The following SLC1A2 variants were observed in gnomAD, a reference collection of about 807,000 sequenced individuals.
SLC1A2 encodes excitatory amino acid transporter 2.
Under a neutral mutation model 48.8 loss-of-function variants are expected in SLC1A2, and 15 were observed. The ratio of observed to expected loss-of-function variants is 0.31; its 90% CI spans 0.21 to 0.47. SLC1A2 has a LOEUF of 0.47. Among genes scored for constraint, SLC1A2 ranks in the 20% least tolerant of loss-of-function variants. The pLI is 0.99. For synonymous variants in SLC1A2, 279 were observed against 272.6 expected, an observed-to-expected ratio of 1.02 and a Z score of -0.23; for missense variants, 502 against 730.5, an observed-to-expected ratio of 0.69 and a Z score of 3.61.
At chr11:35,341,217 C>A (rs1233128545) in intron 1 of SLC1A2, among the ~76,000 whole-genome samples, 1 of 152,042 alleles carries the variant, frequency 6.6e-6, no homozygotes, top group Non-Finnish European at 1.5e-5. Context: ...CTAGGGAGGT[C>A]CCAGGCCGGA....
chr11:35,313,240 T>C (rs1341388228), intron 3 of SLC1A2, among the ~76,000 whole-genome samples: 1 of 152,220 alleles, frequency 6.6e-6, no homozygotes, highest in African/African-American at 2.4e-5. Context: ...TTTGAATATA[T>C]TACTGGTAAC....
At chr11:35,402,785 G>A (rs1054965899) in intron 1 of SLC1A2, among the ~76,000 whole-genome samples, 2 of 152,178 alleles carry the variant, frequency 1.3e-5, no homozygotes, top group African/African-American at 4.8e-5. Flanking sequence ...CCTGGTGTCG[G>A]GAAAGACACC....
intron 1 of SLC1A2, among the ~76,000 whole-genome samples, chr11:35,399,245 A>G (rs61880995): frequency 0.17 from 26,518 of 151,964 alleles, 2,441 homozygotes; most frequent in African/African-American, 0.23. Flanking sequence ...TTTATCCCTA[A>G]GGAAGTCAAG....
At chr11:35,368,032 A>C (rs1011762853) in intron 1 of SLC1A2, among the ~76,000 whole-genome samples, 5 of 152,250 alleles carry the variant, frequency 3.3e-5, no homozygotes, top group Admixed American at 3.3e-4. Flanking sequence ...ACGGTGTTGA[A>C]GGCACAGCAC....
chr11:35,397,870 C>T (rs1190240842), intron 1 of SLC1A2, among the ~76,000 whole-genome samples: 1 of 152,202 alleles, frequency 6.6e-6, no homozygotes, highest in Non-Finnish European at 1.5e-5. Flanking sequence ...GAGAAATAAA[C>T]TTCTGTTATT....
intron 9 of SLC1A2, among the ~76,000 whole-genome samples, chr11:35,275,969 A>G (rs1161027270): frequency 2.0e-5 from 3 of 152,170 alleles, no homozygotes; most frequent in African/African-American, 7.2e-5. Context: ...ATGTGCCACC[A>G]TTACTAATTC....
chr11:35,283,529 A>G (rs1246407964), intron 8 of SLC1A2, among the ~76,000 whole-genome samples: 3 of 152,196 alleles, frequency 2.0e-5, no homozygotes, highest in African/African-American at 7.2e-5. Flanking sequence ...ATCAGTTAAT[A>G]TAAAACAAAC....
chr11:35,376,980 C>CT (rs1854258221), intron 1 of SLC1A2, among the ~76,000 whole-genome samples: 1 of 152,216 alleles, frequency 6.6e-6, no homozygotes, highest in African/African-American at 2.4e-5. Flanking sequence ...GCAGCTGGTA[C>CT]TATAACCACT....
intron 1 of SLC1A2, chr11:35,374,368 A>G: frequency 1.3e-6 from 1 of 782,292 alleles, no homozygotes; most frequent in Admixed American, 1.9e-5. Flanking sequence ...GTGTTGTTGG[A>G]GAATTACAGA....
chr11:35,300,709 A>G (rs191702847), intron 6 of SLC1A2, among the ~76,000 whole-genome samples: 7 of 152,358 alleles, frequency 4.6e-5, no homozygotes, highest in African/African-American at 1.2e-4. Context: ...AAGAGACCCC[A>G]GAGAGCTTTC....
chr11:35,317,594 CCT>C, intron 1 of SLC1A2, 78 bp from the exon 2 acceptor site: 2 of 1,500,538 alleles, frequency 1.3e-6, no homozygotes, highest in South Asian at 2.4e-5. Flanking sequence ...CTAGTAGGAA[CCT>C]CTCCAGGCAC....
intron 1 of SLC1A2, among the ~76,000 whole-genome samples, chr11:35,343,842 A>G (rs3858469): frequency 0.58 from 87,640 of 151,258 alleles, 25,811 homozygotes; most frequent in East Asian, 0.7. Context: ...ACACACAGGC[A>G]CACACACACA....
intron 6 of SLC1A2, among the ~76,000 whole-genome samples, chr11:35,300,778 G>C (rs1468192879): frequency 6.6e-6 from 1 of 152,182 alleles, no homozygotes; most frequent in African/African-American, 2.4e-5. Flanking sequence ...CACTTTGGGA[G>C]GCCTAGGTGG....
chr11:35,311,901 A>G (rs868554556), intron 4 of SLC1A2, among the ~76,000 whole-genome samples: 2 of 14,004 alleles, frequency 1.4e-4, no homozygotes. Flanking sequence ...AGGGAGGGAG[A>G]GAGAGAGAGA....
At chr11:35,420,474 C>T (rs1430070332), upstream of SLC1A2, 2 of 152,286 alleles carry the variant, frequency 1.3e-5, no homozygotes, top group East Asian at 3.8e-4. Context: ...CAATGGAACC[C>T]AAAAGAACTC....
intron 1 of SLC1A2, among the ~76,000 whole-genome samples, chr11:35,374,965 T>G (rs1004010819): frequency 2.6e-5 from 4 of 152,214 alleles, no homozygotes; most frequent in Non-Finnish European, 4.4e-5. Context: ...TGAAGCAACA[T>G]ATTGCTTAAG....
intron 1 of SLC1A2, among the ~76,000 whole-genome samples, chr11:35,334,687 G>A (rs1852556517): frequency 6.6e-6 from 1 of 152,172 alleles, no homozygotes; most frequent in African/African-American, 2.4e-5. Flanking sequence ...CTAGAGCAAT[G>A]ACTAGAGAGC....
intron 7 of SLC1A2, among the ~76,000 whole-genome samples, chr11:35,290,675 C>T (rs1850972103): frequency 1.4e-5 from 2 of 144,998 alleles, no homozygotes; most frequent in South Asian, 2.2e-4. Context: ...AGATACCAGG[C>T]TTATAACCAG....
chr11:35,395,093 T>C (rs946096914), intron 1 of SLC1A2, among the ~76,000 whole-genome samples: 6 of 151,832 alleles, frequency 4.0e-5, no homozygotes, highest in African/African-American at 1.5e-4. Context: ...TGAACAACAA[T>C]GGGCTCTCCC....
Sources: gnomAD v4.1 joint callset for allele counts (sites outside exome capture counted in the v4.1 genomes callset) on GRCh38, gnomAD v4.1.1 for gene constraint, MANE v1.5 for transcripts, NCBI Gene and HGNC (gene_info 2026-07-23, HGNC 2026-07-21) for gene names.